DTNA: variants seen among roughly 807,000 people sequenced by gnomAD.
DTNA encodes the protein dystrophin-related protein 3.
DTNA carries 43 observed loss-of-function variants against 100.7 expected under a neutral mutation model. That is an observed-to-expected ratio of 0.43 (90% confidence interval 0.33 to 0.55). The LOEUF is 0.55. Among genes scored for constraint, DTNA ranks in the 20% least tolerant of loss-of-function variants. DTNA has a pLI of 0.04. For synonymous variants in DTNA, 349 were observed against 347.9 expected (o/e 1.00, Z -0.04); for missense variants, 798 against 953.9 (o/e 0.84, Z 2.15).
rs543669212 is a variant in DTNA at position 34,798,803 on chromosome 18, T to G, written c.362+4553T>G. On this transcript the variant is annotated intron_variant, in intron 4 of 22. Transcript: ENST00000444659. ...AGTATTTACTATATGTCAATAGTCT[T>G]ACTGACTTGGCCCTATATTATCATG... Among the ~76,000 whole-genome samples the G allele has an allele frequency of 3.4e-4, 52 of 152,280 alleles. 1 individual carries two copies. In the South Asian group the frequency reaches 8.9e-3, roughly 26 times the overall value.
intron 1 of DTNA, among the ~76,000 whole-genome samples, chr18:34,582,644 G>A (rs1215813606): frequency 9.9e-5 from 15 of 152,162 alleles, no homozygotes; most frequent in Non-Finnish European, 2.2e-4. Context: ...AGGATGCCAA[G>A]AATAACCTGT....
intron 1 of DTNA, among the ~76,000 whole-genome samples, chr18:34,602,141 T>C (rs369617509): frequency 4.6e-5 from 7 of 152,224 alleles, no homozygotes; most frequent in African/African-American, 1.7e-4. Context: ...TTGCTTAGCA[T>C]TTAGTTTTAA....
intron 10 of DTNA, 49 bp from the exon 11 acceptor site, chr18:34,829,351 C>T (rs1470158277): frequency 2.6e-6 from 4 of 1,533,472 alleles, no homozygotes; most frequent in African/African-American, 1.4e-5. Context: ...GTGGGCCTTG[C>T]TCTGTCCATG....
intron 3 of DTNA, among the ~76,000 whole-genome samples, chr18:34,782,518 A>G (rs2094364474): frequency 6.6e-6 from 1 of 152,232 alleles, no homozygotes; most frequent in South Asian, 2.1e-4. Flanking sequence ...TGGGAGCAAC[A>G]AAAGGGAGAA....
At chr18:34,581,621 G>GTTTTTTT (rs760995588) in intron 1 of DTNA, among the ~76,000 whole-genome samples, 1 of 110,374 alleles carries the variant, frequency 9.1e-6, no homozygotes, top group African/African-American at 3.9e-5. Context: ...CCCCTAGTTA[G>GTTTTTTT]TTTTTTTTTT....
At chr18:34,512,351 G>C (rs947012095) in intron 1 of DTNA, among the ~76,000 whole-genome samples, 1 of 151,926 alleles carries the variant, frequency 6.6e-6, no homozygotes, top group Non-Finnish European at 1.5e-5. Flanking sequence ...AGAACAGCAG[G>C]TACACACTAG....
At chr18:34,731,275 C>T (rs904978291) in intron 1 of DTNA, among the ~76,000 whole-genome samples, 3 of 151,412 alleles carry the variant, frequency 2.0e-5, no homozygotes, top group Non-Finnish European at 4.4e-5. Context: ...GTCAGGAGAT[C>T]GAGACCATCC....
chr18:34,754,267 G>C (rs1396238939), intron 1 of DTNA, among the ~76,000 whole-genome samples: 2 of 151,702 alleles, frequency 1.3e-5, no homozygotes, highest in African/African-American at 4.8e-5. Flanking sequence ...GAGTCATTTT[G>C]TACACAGCTC....
chr18:34,629,193 CAA>C (rs2057749723), intron 1 of DTNA, among the ~76,000 whole-genome samples: 1 of 152,022 alleles, frequency 6.6e-6, no homozygotes, highest in Non-Finnish European at 1.5e-5. Flanking sequence ...AATTAAAACA[CAA>C]AAAAGCTTAC....
intron 18 of DTNA, among the ~76,000 whole-genome samples, chr18:34,876,792 T>C (rs2096823231): frequency 6.6e-6 from 1 of 152,092 alleles, no homozygotes; most frequent in Non-Finnish European, 1.5e-5. Flanking sequence ...AACTCAAGAG[T>C]TTTTAAAAAT....
At chr18:34,619,380 A>G (rs1252689562) in intron 1 of DTNA, among the ~76,000 whole-genome samples, 2 of 152,194 alleles carry the variant, frequency 1.3e-5, no homozygotes, top group African/African-American at 2.4e-5. Flanking sequence ...GAAAGAAAGA[A>G]TGGATGGCAG....
At chr18:34,774,318 C>T (rs1302121920) in intron 3 of DTNA, among the ~76,000 whole-genome samples, 1 of 152,214 alleles carries the variant, frequency 6.6e-6, no homozygotes. Flanking sequence ...AGAAGGGGTT[C>T]TCCCACTGCC....
At chr18:34,517,460 CGTGTGT>C (rs1199695756) in intron 1 of DTNA, among the ~76,000 whole-genome samples, 69 of 148,998 alleles carry the variant, frequency 4.6e-4, no homozygotes, top group African/African-American at 1.6e-3. Flanking sequence ...TTTATATACA[CGTGTGT>C]GTGTGTGTGT....
At chr18:34,552,435 A>T (rs1257814596) in intron 1 of DTNA, among the ~76,000 whole-genome samples, 1 of 151,404 alleles carries the variant, frequency 6.6e-6, no homozygotes, top group Admixed American at 6.6e-5. Flanking sequence ...TGTGCAGGTT[A>T]GTTACATATG....
intron 1 of DTNA, among the ~76,000 whole-genome samples, chr18:34,746,989 C>T (rs1342431144): frequency 6.6e-6 from 1 of 152,098 alleles, no homozygotes; most frequent in Non-Finnish European, 1.5e-5. Context: ...CTTGAAAGAA[C>T]CACTAAGAGT....
intron 1 of DTNA, among the ~76,000 whole-genome samples, chr18:34,498,388 G>A (rs533395060): frequency 7.3e-5 from 11 of 150,736 alleles, no homozygotes; most frequent in East Asian, 5.9e-4. Flanking sequence ...AGCCGAGATC[G>A]CGCCACTGTG....
intron 1 of DTNA, among the ~76,000 whole-genome samples, chr18:34,740,854 GC>G (rs2090520725): frequency 6.6e-6 from 1 of 151,736 alleles, no homozygotes; most frequent in Admixed American, 6.6e-5. Flanking sequence ...ATGCTTTTTG[GC>G]TGCAAATATT....
chr18:34,537,733 G>T (rs2043854710), intron 1 of DTNA, among the ~76,000 whole-genome samples: 1 of 151,816 alleles, frequency 6.6e-6, no homozygotes, highest in Non-Finnish European at 1.5e-5. Context: ...GATGACTTTA[G>T]CACGTAGTTG....
At chr18:34,871,653 T>A (rs903034544) in intron 17 of DTNA, among the ~76,000 whole-genome samples, 2 of 152,088 alleles carry the variant, frequency 1.3e-5, no homozygotes, top group South Asian at 2.1e-4. Flanking sequence ...TGAAACTCAG[T>A]GACATCATCA....
Sources: allele counts gnomAD v4.1 joint callset (sites outside exome capture counted in the v4.1 genomes callset), GRCh38; gene constraint gnomAD v4.1.1; transcripts MANE v1.5; gene names NCBI Gene and HGNC (gene_info 2026-07-23, HGNC 2026-07-21).